Variants in RAB22A observed in about 807,000 individuals in gnomAD.
RAB22A encodes ras-related protein Rab-22A.
Under a neutral mutation model 30.2 loss-of-function variants are expected in RAB22A, and 13 were observed. That is an observed-to-expected ratio of 0.43 (90% confidence interval 0.28 to 0.68). The LOEUF (loss-of-function observed/expected upper bound fraction) is 0.68, where lower values mean the gene tolerates loss of function less well. Ranked by LOEUF, RAB22A falls within the 30% of genes least tolerant of loss-of-function variation. RAB22A has a pLI of 0.18. For synonymous variants in RAB22A, 89 were observed against 87.2 expected, an observed-to-expected ratio of 1.02 and a Z score of -0.11; for missense variants, 177 against 246.8, an observed-to-expected ratio of 0.72 and a Z score of 1.89.
intron 2 of RAB22A, among the ~76,000 whole-genome samples, chr20:58,314,357 G>A (rs1024388615): frequency 6.6e-6 from 1 of 152,064 alleles, no homozygotes; most frequent in African/African-American, 2.4e-5. Flanking sequence ...GAGCCACTGC[G>A]ACCAGCCAGA....
Position 58,331,263 on chromosome 20 carries a change from C to G in RAB22A, c.117-12455C>G, listed in dbSNP as rs191209919. Among the ~76,000 whole-genome samples, 6 of 152,224 alleles carry G rather than the reference C, an allele frequency of 3.9e-5. No homozygotes were observed. The East Asian group carries it at 1.2e-3, about 29-fold the overall frequency. On this transcript the variant is annotated intron_variant, in intron 2 of 6. Coordinates refer to ENST00000244040, the MANE Select transcript of RAB22A (RefSeq NM_020673.3). ...CCAAGTTTTTGCTATCATCCTATCT[C>G]AAATTGCCACTCCAGTCACTATCAC...
chr20:58,350,387 A>G (rs1987028264), intron 3 of RAB22A, among the ~76,000 whole-genome samples: 1 of 152,264 alleles, frequency 6.6e-6, no homozygotes, highest in South Asian at 2.1e-4. Flanking sequence ...AAAAGATTTC[A>G]AGAAATAATG....
Position 58,319,960 on chromosome 20 carries a change from C to T in RAB22A, c.116+8838C>T, listed in dbSNP as rs1407995951. Among the ~76,000 whole-genome samples, 3 of 152,134 alleles carry T rather than the reference C, an allele frequency of 2.0e-5. No homozygotes were observed. In the East Asian group the frequency reaches 5.8e-4, roughly 29 times the overall value. On this transcript the variant is annotated intron_variant, in intron 2 of 6. Transcript: ENST00000244040. ...ATACTGAAATATTAAACCAATCTGG[C>T]ACTCCTAAGATAAATTTCTCTTGGT... is the stretch of plus-strand genomic sequence containing the variant.
intron 2 of RAB22A, among the ~76,000 whole-genome samples, chr20:58,327,206 C>G (rs530769118): frequency 1.3e-5 from 2 of 152,302 alleles, no homozygotes; most frequent in East Asian, 1.9e-4. Context: ...TTGTTTTTCT[C>G]TTATGTTAAT....
At chr20:58,339,224 C>G (rs887984318) in intron 2 of RAB22A, among the ~76,000 whole-genome samples, 1 of 152,156 alleles carries the variant, frequency 6.6e-6, no homozygotes, top group African/African-American at 2.4e-5. Context: ...GAAAAGCATT[C>G]TAGCTTTAGG....
intron 3 of RAB22A, among the ~76,000 whole-genome samples, chr20:58,346,437 A>G: frequency 6.6e-6 from 1 of 152,258 alleles, no homozygotes; most frequent in East Asian, 1.9e-4. Flanking sequence ...CCTTGGCCTC[A>G]TGCCTCTGGA....
rs58198236 is a variant in RAB22A at position 58,312,472 on chromosome 20, C to CTTTTTTTTT, written c.116+1376_116+1384dup. ...GCACCATGTTACTCCGGCTGGTTTT[C>CTTTTTTTTT]TTTTTTTTTTTTTTTTTTTTTTTTT... On this transcript the variant is annotated intron_variant, in intron 2 of 6. Coordinates refer to ENST00000244040, the MANE Select transcript of RAB22A (RefSeq NM_020673.3). Among the ~76,000 whole-genome samples the CTTTTTTTTT allele has an allele frequency of 3.4e-4, 13 of 38,750 alleles. 2 individuals are homozygous for CTTTTTTTTT. Among genetic ancestry groups the CTTTTTTTTT allele is most frequent in the African/African-American group, 4.9e-4 (5 of 10,134 alleles). 25.4% of individuals were successfully genotyped at this position (38,750 alleles called of 152,430 possible). A position where few individuals can be genotyped will look rare whatever the true frequency, so the allele number is the denominator to read the frequency against.
At chr20:58,325,179 A>G (rs971931086) in intron 2 of RAB22A, among the ~76,000 whole-genome samples, 18 of 150,368 alleles carry the variant, frequency 1.2e-4, no homozygotes, top group African/African-American at 4.4e-4. Context: ...CCATCTCAAA[A>G]AAAAAAAAAA....
At chr20:58,322,097 G>A (rs556511443) in intron 2 of RAB22A, among the ~76,000 whole-genome samples, 20 of 152,284 alleles carry the variant, frequency 1.3e-4, no homozygotes, top group Admixed American at 8.5e-4. Context: ...CTCACCGGGC[G>A]TCATTGTTAG....
intron 2 of RAB22A, among the ~76,000 whole-genome samples, chr20:58,321,884 T>G (rs190034868): frequency 6.6e-6 from 1 of 152,308 alleles, no homozygotes; most frequent in East Asian, 1.9e-4. Flanking sequence ...CACTGCAGCC[T>G]CAACTTCCCA....
intron 2 of RAB22A, among the ~76,000 whole-genome samples, chr20:58,312,472 CTTTTTTTTTTTTT>C (rs58198236): frequency 2.1e-4 from 8 of 38,704 alleles, no homozygotes; most frequent in Admixed American, 5.0e-4. Context: ...GGCTGGTTTT[CTTTTTTTTTTTTT>C]TTTTTTTTTT....
Position 58,351,773 on chromosome 20 carries a change from A to T in RAB22A, c.199-1500A>T, listed in dbSNP as rs181546201. Among the ~76,000 whole-genome samples the T allele has an allele frequency of 9.2e-5, 14 of 152,370 alleles. No individual in the cohort carries two copies. The East Asian group carries it at 2.5e-3, about 27-fold the overall frequency. ...GGCTGCGGTGAGCCGAGATCACGCC[A>T]TTGCACTCCAGCCTAGACAACAAGA... On this transcript the variant is annotated intron_variant, in intron 3 of 6. Coordinates refer to ENST00000244040, the MANE Select transcript of RAB22A (RefSeq NM_020673.3).
intron 2 of RAB22A, among the ~76,000 whole-genome samples, chr20:58,314,954 C>T (rs924301959): frequency 1.3e-5 from 2 of 152,024 alleles, no homozygotes; most frequent in African/African-American, 4.8e-5. Context: ...CAGCAAGGAC[C>T]GTGAGGCGGG....
chr20:58,367,506 T>C lies in RAB22A; in HGVS notation c.*7803T>C, dbSNP rs1173756342. On this transcript the variant is annotated 3_prime_UTR_variant, in exon 7 of 7. Coordinates refer to ENST00000244040, the MANE Select transcript of RAB22A (RefSeq NM_020673.3). ...TAATAAAATGCTATGTTTACAAATA[T>C]ATATTTGCCTCCCAAATGGTTTCTC... 2 of 152,642 alleles carry C rather than the reference T, an allele frequency of 1.3e-5. No individual in the cohort carries two copies. Among genetic ancestry groups the C allele is most frequent in the African/African-American group, 4.8e-5 (2 of 41,460 alleles). 9.5% of individuals were successfully genotyped at this position (152,642 alleles called of 1,614,324 possible).
In RAB22A at chr20:58,360,882, G is replaced by A. The variant is rs1398511420; in HGVS notation, c.*1179G>A. The A allele has an allele frequency of 6.6e-6, 1 of 152,550 alleles. No homozygotes were observed. The highest frequency in any genetic ancestry group is 1.5e-5 in the Non-Finnish European group (1 of 68,026). The allele number at this position is 152,550 out of a possible 1,614,324, so 9.4% of individuals were successfully genotyped here. On this transcript the variant is annotated 3_prime_UTR_variant, in exon 7 of 7. Transcript: ENST00000244040. ...TATGCCACTTTGACAAACCTGACTA[G>A]TCCTTACTAGCCTGAGGGTAAAAGA...
At chr20:58,310,139 C>A in intron 1 of RAB22A, 127 bp downstream of exon 1, 1 of 989,214 alleles carries the variant, frequency 1.0e-6, no homozygotes, top group Non-Finnish European at 1.3e-6. Context: ...GCCCCGTGGA[C>A]CCTCCCTCCA....
rs182607087 is a variant in RAB22A at position 58,363,336 on chromosome 20, T to C, written c.*3633T>C. On this transcript the variant is annotated 3_prime_UTR_variant, in exon 7 of 7. Transcript: ENST00000244040. Reference sequence around the variant, plus strand: ...TATGGGCCCTTAAGAGTATAAGATATAGGTGCACAGTATGTTACTTAAGTA... The same window carrying C: ...TATGGGCCCTTAAGAGTATAAGATACAGGTGCACAGTATGTTACTTAAGTA... 12 of 152,306 alleles carry C rather than the reference T, an allele frequency of 7.9e-5. 1 individual carries two copies. The East Asian group carries it at 1.7e-3, about 22-fold the overall frequency. The allele number at this position is 152,306 out of a possible 1,614,324, so 9.4% of individuals were successfully genotyped here. A position where few individuals can be genotyped will look rare whatever the true frequency, so the allele number is the denominator to read the frequency against.
At chr20:58,313,087 G>T (rs1484609996) in intron 2 of RAB22A, among the ~76,000 whole-genome samples, 1 of 152,102 alleles carries the variant, frequency 6.6e-6, no homozygotes, top group Non-Finnish European at 1.5e-5. Flanking sequence ...CACCACCTTG[G>T]CTAGAAGTGC....
intron 2 of RAB22A, among the ~76,000 whole-genome samples, chr20:58,337,743 C>T (rs945457893): frequency 6.6e-6 from 1 of 152,088 alleles, no homozygotes; most frequent in Non-Finnish European, 1.5e-5. Flanking sequence ...ACTTGAGGTT[C>T]GACTGCCTGG....
Sources: gnomAD v4.1 joint callset for allele counts (sites outside exome capture counted in the v4.1 genomes callset) on GRCh38, gnomAD v4.1.1 for gene constraint, MANE v1.5 for transcripts, NCBI Gene and HGNC (gene_info 2026-07-23, HGNC 2026-07-21) for gene names.